Variants in LAMA2 observed in about 807,000 individuals in gnomAD.
The protein encoded by LAMA2 is laminin subunit alpha-2.
Under a neutral mutation model 364.8 loss-of-function variants are expected in LAMA2, and 269 were observed. The ratio of observed to expected loss-of-function variants is 0.74; its 90% CI spans 0.67 to 0.82. The LOEUF (loss-of-function observed/expected upper bound fraction) is 0.82. Ranked by LOEUF, LAMA2 falls within the 40% of genes least tolerant of loss-of-function variation. The pLI, the probability that LAMA2 is intolerant of heterozygous loss-of-function variation, is 0.00. For synonymous variants in LAMA2, 1,379 were observed against 1,370.6 expected (o/e 1.01, Z -0.14); for missense variants, 3,807 against 3,873.2 (o/e 0.98, Z 0.45).
chr6:129,234,147 C>G (rs1321630245), intron 12 of LAMA2, among the ~76,000 whole-genome samples: 1 of 152,132 alleles, frequency 6.6e-6, no homozygotes, highest in East Asian at 1.9e-4. Context: ...GAACTAAGAA[C>G]TATTCTTACT....
intron 1 of LAMA2, among the ~76,000 whole-genome samples, chr6:128,991,524 C>G (rs1255700038): frequency 6.6e-6 from 1 of 152,132 alleles, no homozygotes; most frequent in Admixed American, 6.5e-5. Context: ...GAATTCTTTA[C>G]ACTAAATTAA....
chr6:128,979,433 C>G (rs1394972808), intron 1 of LAMA2, among the ~76,000 whole-genome samples: 3 of 152,060 alleles, frequency 2.0e-5, no homozygotes, highest in Non-Finnish European at 4.4e-5. Context: ...TTTGATTTTC[C>G]TTTGAAGTAA....
rs1187401177 is a variant in LAMA2 at position 129,058,985 on chromosome 6, T to C, written c.284-799T>C. 2.6e-5 allele frequency among the ~76,000 whole-genome samples: 4 copies of C among 152,160 alleles called. No individual in the cohort carries two copies. The East Asian group carries it at 5.8e-4, about 22-fold the overall frequency. ...AAGTCTGTTGGGCCCACAGAGCAGA[T>C]AGTGGTTTGTAACAAAAGTCTGTTC... On this transcript the variant is annotated intron_variant, in intron 2 of 64. Coordinates refer to ENST00000421865, the MANE Select transcript of LAMA2 (RefSeq NM_000426.4).
chr6:129,502,923 C>A, intron 59 of LAMA2, 152 bp downstream of exon 59: 1 of 882,676 alleles, frequency 1.1e-6, no homozygotes, highest in East Asian at 2.6e-5. Context: ...TTTTATTTGT[C>A]TGAGCCTGAG....
chr6:129,138,680 C>T (rs11751534), intron 4 of LAMA2, among the ~76,000 whole-genome samples: 44,843 of 151,950 alleles, frequency 0.3, 8,704 homozygotes, highest in African/African-American at 0.56. Flanking sequence ...GAATAAGATT[C>T]TTTAAATTAC....
At chr6:129,363,233 G>A (rs1206817416) in intron 32 of LAMA2, among the ~76,000 whole-genome samples, 1 of 152,124 alleles carries the variant, frequency 6.6e-6, no homozygotes, top group Non-Finnish European at 1.5e-5. Context: ...TAGCCCAGGA[G>A]TTTGAGGCCG....
At chr6:128,933,868 T>C (rs1354836703) in intron 1 of LAMA2, among the ~76,000 whole-genome samples, 1 of 152,210 alleles carries the variant, frequency 6.6e-6, no homozygotes, top group Non-Finnish European at 1.5e-5. Context: ...GGTTTGCCAA[T>C]ATATTATCCC....
chr6:129,513,192 T>C (rs1411230926), intron 63 of LAMA2, among the ~76,000 whole-genome samples: 1 of 152,128 alleles, frequency 6.6e-6, no homozygotes, highest in African/African-American at 2.4e-5. Context: ...TAGTGTTGCC[T>C]CCCAAGAAGA....
intron 38 of LAMA2, 80 bp from the exon 39 acceptor site, chr6:129,402,244 G>C: frequency 6.4e-6 from 6 of 944,806 alleles, no homozygotes; most frequent in Non-Finnish European, 1.0e-5. Context: ...TAAACGTGTA[G>C]TTATGTCTCA....
chr6:129,473,335 A>G lies in LAMA2; in HGVS notation c.7422A>G (p.Pro2474=), dbSNP rs1400476985. The change falls in exon 52 of 65, where the codon CCA becomes CCG. Residue 2474 remains proline (P), a synonymous_variant. Coordinates refer to ENST00000421865, the MANE Select transcript of LAMA2 (RefSeq NM_000426.4). ...ACAAAATATATTTTGGTGGCCTGCC[A>G]ACGCTGAGAAACTTGAGGTAATTTA... ...ADDKIYFGGL[P]TLRNLSMKAR... is the part of the protein sequence containing the mutation. 6.2e-7 allele frequency: 1 copy of G among 1,612,364 alleles called. No individual in the cohort carries two copies. Among genetic ancestry groups the G allele is most frequent in the African/African-American group, 1.3e-5 (1 of 74,852 alleles).
chr6:129,405,854 A>C (rs1378140336), intron 40 of LAMA2, among the ~76,000 whole-genome samples: 3 of 152,196 alleles, frequency 2.0e-5, no homozygotes, highest in Non-Finnish European at 4.4e-5. Flanking sequence ...GAGAAGAATG[A>C]GATTAAATGT....
intron 1 of LAMA2, among the ~76,000 whole-genome samples, chr6:128,951,166 C>A (rs921739852): frequency 1.3e-5 from 2 of 152,024 alleles, no homozygotes; most frequent in Non-Finnish European, 2.9e-5. Flanking sequence ...TGAAATTAGG[C>A]AGATATGAAT....
intron 17 of LAMA2, among the ~76,000 whole-genome samples, chr6:129,271,650 A>G (rs1181671181): frequency 6.6e-6 from 1 of 151,860 alleles, no homozygotes; most frequent in Non-Finnish European, 1.5e-5. Context: ...ATTATAAATA[A>G]CTATACTTTT....
chr6:128,955,770 AC>A (rs1243149953), intron 1 of LAMA2, among the ~76,000 whole-genome samples: 1 of 152,004 alleles, frequency 6.6e-6, no homozygotes, highest in Non-Finnish European at 1.5e-5. Context: ...TAGCTACTAT[AC>A]AAAAATCAAA....
intron 29 of LAMA2, among the ~76,000 whole-genome samples, chr6:129,333,507 G>A (rs1775776492): frequency 6.6e-6 from 1 of 152,122 alleles, no homozygotes; most frequent in Non-Finnish European, 1.5e-5. Context: ...TGGGAATGTA[G>A]ATGCATTTAA....
intron 1 of LAMA2, among the ~76,000 whole-genome samples, chr6:129,026,794 G>A (rs547288769): frequency 1.9e-4 from 29 of 152,236 alleles, no homozygotes; most frequent in African/African-American, 6.5e-4. Context: ...AATTGATTTT[G>A]CAGAGTTTTC....
intron 35 of LAMA2, among the ~76,000 whole-genome samples, chr6:129,389,548 T>C (rs1779205661): frequency 6.6e-6 from 1 of 152,182 alleles, no homozygotes. Flanking sequence ...AAAGGCTCTG[T>C]ATTAATCTCT....
rs73773658 is a variant in LAMA2, at chr6:129,059,331, A to T, written c.284-453A>T. ...GTCTTAATAATAATGAATGTGTCAG[A>T]AGGGCAAGTGTTCAAGTGTATTTCA... is the stretch of plus-strand genomic sequence containing the variant. On this transcript the variant is annotated intron_variant, in intron 2 of 64. Transcript: ENST00000421865. Among the ~76,000 whole-genome samples the T allele has an allele frequency of 4.3e-3, 655 of 152,332 alleles. 3 individuals are homozygous for T. Among genetic ancestry groups the T allele is most frequent in the African/African-American group, 0.015 (626 of 41,572 alleles).
At chr6:129,258,592 C>T (rs188343162) in intron 14 of LAMA2, among the ~76,000 whole-genome samples, 4 of 152,024 alleles carry the variant, frequency 2.6e-5, no homozygotes, top group South Asian at 2.1e-4. Flanking sequence ...AGATATATGT[C>T]GTAGTTGCAC....
Sources: gnomAD v4.1 joint callset for allele counts (sites outside exome capture counted in the v4.1 genomes callset) on GRCh38, gnomAD v4.1.1 for gene constraint, MANE v1.5 for transcripts, NCBI Gene and HGNC (gene_info 2026-07-23, HGNC 2026-07-21) for gene names.